AOPEP: variants seen among roughly 807,000 people sequenced by gnomAD.
AOPEP encodes aminopeptidase O (putative).
A neutral mutation model predicts 98.1 loss-of-function variants in AOPEP; 77 were observed. The ratio of observed to expected loss-of-function variants is 0.78; its 90% CI spans 0.65 to 0.95. AOPEP has a LOEUF of 0.95. Among genes scored for constraint, AOPEP ranks in the 40% least tolerant of loss-of-function variants. The probability of loss-of-function intolerance (pLI) is 0.00; values close to 1 mark genes in which losing one functional copy is unlikely to be tolerated. For synonymous variants in AOPEP, 346 were observed against 365.3 expected, an observed-to-expected ratio of 0.95 and a Z score of 0.60; for missense variants, 1,024 against 1,024.7, an observed-to-expected ratio of 1.00 and a Z score of 0.01.
chr9:94,741,472 C>T (rs551445506), intron 1 of AOPEP, among the ~76,000 whole-genome samples: 37 of 151,888 alleles, frequency 2.4e-4, no homozygotes, highest in Non-Finnish European at 8.8e-5. Flanking sequence ...TGGGTTTCAC[C>T]GTGTTAGCCA....
chr9:94,962,424 AGCATGAG>A (rs1564452874), intron 9 of AOPEP, among the ~76,000 whole-genome samples: 1 of 152,234 alleles, frequency 6.6e-6, no homozygotes, highest in Non-Finnish European at 1.5e-5. Flanking sequence ...GCTACTGCTA[AGCATGAG>A]GCTGGGGGTC....
chr9:95,057,983 C>T (rs1229006501), intron 13 of AOPEP, among the ~76,000 whole-genome samples: 1 of 152,210 alleles, frequency 6.6e-6, no homozygotes, highest in Non-Finnish European at 1.5e-5. Flanking sequence ...TGCTCCCTCC[C>T]TTACTTCCAT....
the AOPEP span, among the ~76,000 whole-genome samples, chr9:95,131,092 CACAA>C: frequency 1.3e-5 from 2 of 152,192 alleles, no homozygotes; most frequent in African/African-American, 2.4e-5. Flanking sequence ...GTTGTTTATA[CACAA>C]ACAATTTTTT....
the AOPEP span, among the ~76,000 whole-genome samples, chr9:95,135,870 T>C: frequency 6.6e-6 from 1 of 152,208 alleles, no homozygotes; most frequent in Admixed American, 6.5e-5. Context: ...CGCGTAATCA[T>C]GCCTCACAAT....
chr9:94,954,651 C>T (rs189301699), intron 7 of AOPEP, among the ~76,000 whole-genome samples: 30 of 152,236 alleles, frequency 2.0e-4, no homozygotes, highest in Admixed American at 2.0e-3. Flanking sequence ...GTATGTGATT[C>T]TTGATGTTCC....
chr9:94,852,277 T>G (rs1364121249), intron 5 of AOPEP, among the ~76,000 whole-genome samples: 1 of 152,202 alleles, frequency 6.6e-6, no homozygotes, highest in African/African-American at 2.4e-5. Flanking sequence ...CTTTGAAATT[T>G]TTTTAAAGCT....
chr9:94,866,268 A>G (rs1467753882), intron 5 of AOPEP, among the ~76,000 whole-genome samples: 1 of 152,176 alleles, frequency 6.6e-6, no homozygotes, highest in Non-Finnish European at 1.5e-5. Flanking sequence ...AGCGTGTTTT[A>G]TTTTGTGAAA....
At chr9:95,038,025 T>C (rs1203791546) in intron 13 of AOPEP, among the ~76,000 whole-genome samples, 4 of 152,178 alleles carry the variant, frequency 2.6e-5, no homozygotes, top group Admixed American at 6.5e-5. Flanking sequence ...TCCATCCAGC[T>C]GTCTGTCCGT....
At chr9:95,048,624 G>T (rs968968329) in intron 13 of AOPEP, 5 of 152,316 alleles carry the variant, frequency 3.3e-5, no homozygotes, top group South Asian at 2.1e-4. Flanking sequence ...TCGGCTCCCA[G>T]TCCGCGCTGC....
intron 14 of AOPEP, among the ~76,000 whole-genome samples, chr9:95,073,856 TCAAAAAA>T (rs372532438): frequency 5.7e-4 from 87 of 152,174 alleles, no homozygotes; most frequent in African/African-American, 2.0e-3. Flanking sequence ...AGACTCGGTC[TCAAAAAA>T]CAAAAAACAA....
At chr9:94,792,959 A>G (rs752672524) in intron 4 of AOPEP, 41 bp downstream of exon 4, 7 of 1,533,592 alleles carry the variant, frequency 4.6e-6, no homozygotes, top group African/African-American at 4.1e-5. Flanking sequence ...AAAAAAAAAA[A>G]CACTTGAGGG....
the AOPEP span, among the ~76,000 whole-genome samples, chr9:95,095,165 G>A: frequency 6.6e-6 from 1 of 152,214 alleles, no homozygotes; most frequent in East Asian, 1.9e-4. Flanking sequence ...ACTGTTTCCA[G>A]AGTCAATTTT....
chr9:94,940,677 C>T (rs185055736), intron 7 of AOPEP, among the ~76,000 whole-genome samples: 30 of 152,292 alleles, frequency 2.0e-4, no homozygotes, highest in Admixed American at 1.4e-3. Flanking sequence ...ATACTTAACA[C>T]GTTTGATGCT....
chr9:94,896,153 AACAAT>A (rs1193476226), intron 5 of AOPEP, among the ~76,000 whole-genome samples: 1 of 152,230 alleles, frequency 6.6e-6, no homozygotes, highest in Non-Finnish European at 1.5e-5. Flanking sequence ...GGAAAATAGA[AACAAT>A]ACAACTCGAT....
At chr9:95,056,057 G>T (rs1310907302) in intron 13 of AOPEP, among the ~76,000 whole-genome samples, 1 of 152,178 alleles carries the variant, frequency 6.6e-6, no homozygotes, top group Non-Finnish European at 1.5e-5. Flanking sequence ...GGAGGCCGTG[G>T]CTGTAAATTG....
intron 3 of AOPEP, among the ~76,000 whole-genome samples, chr9:94,783,173 T>G (rs1843662893): frequency 6.6e-6 from 1 of 152,204 alleles, no homozygotes; most frequent in South Asian, 2.1e-4. Context: ...GCATATTCCT[T>G]TAGGTATCCC....
intron 5 of AOPEP, among the ~76,000 whole-genome samples, chr9:94,917,849 C>T (rs941633499): frequency 1.3e-5 from 2 of 152,162 alleles, no homozygotes; most frequent in South Asian, 2.1e-4. Flanking sequence ...GAGCTTCCTT[C>T]GTCTTATTTT....
rs190720435 is a variant in AOPEP, at chr9:94,850,119, G to A, written c.1364+49117G>A. Among the ~76,000 whole-genome samples the A allele has an allele frequency of 4.1e-3, 621 of 152,086 alleles. 3 individuals are homozygous for A. Among genetic ancestry groups the A allele is most frequent in the Non-Finnish European group, 7.0e-3 (475 of 68,018 alleles). On this transcript the variant is annotated intron_variant, in intron 5 of 16. Transcript: ENST00000375315. Reference sequence around the variant, plus strand: ...AGGCGAGAATGCTCACTTGCCTGAGGTTCACCTGCTGTGCAGCCTGGTTCT... The same window carrying A: ...AGGCGAGAATGCTCACTTGCCTGAGATTCACCTGCTGTGCAGCCTGGTTCT...
chr9:94,970,584 A>G (rs1589123671), intron 10 of AOPEP, among the ~76,000 whole-genome samples: 2 of 151,674 alleles, frequency 1.3e-5, no homozygotes, highest in East Asian at 3.9e-4. Context: ...ATTGGCCAAG[A>G]TTTCCAAGGC....
Sources: gnomAD v4.1 joint callset for allele counts (sites outside exome capture counted in the v4.1 genomes callset) on GRCh38, gnomAD v4.1.1 for gene constraint, MANE v1.5 for transcripts, NCBI Gene and HGNC (gene_info 2026-07-23, HGNC 2026-07-21) for gene names.